The following BCOR variants were observed in gnomAD, a reference collection of about 807,000 sequenced individuals.
BCOR encodes the protein BCL6 corepressor, also known as BCL-6 corepressor.
A neutral mutation model predicts 86.7 loss-of-function variants in BCOR; 10 were observed. The observed-to-expected ratio is 0.12, with a 90% confidence interval of 0.07 to 0.20. The LOEUF (loss-of-function observed/expected upper bound fraction) is 0.20. BCOR is among the 10% of genes least tolerant of loss of function. The pLI is 1.00. For synonymous variants in BCOR, 611 were observed against 609.0 expected (o/e 1.00, Z -0.05); for missense variants, 1,259 against 1,452.1 (o/e 0.87, Z 2.16).
chrX:40,064,308 G>A (rs1419989030), intron 7 of BCOR, 28 bp downstream of exon 7: 2 of 1,210,446 alleles, frequency 1.7e-6, no homozygotes, highest in Non-Finnish European at 1.1e-6. Flanking sequence ...CCACCCCCCG[G>A]CAGGCGGGCG....
intron 1 of BCOR, among the ~76,000 whole-genome samples, chrX:40,089,998 C>T (rs1459221601): frequency 1.8e-5 from 2 of 111,995 alleles, no homozygotes; most frequent in Non-Finnish European, 3.8e-5. Context: ...ACAGAAGCGG[C>T]CGGCAGCAAA....
At chrX:40,145,562 C>A (rs1938029429) in intron 1 of BCOR, among the ~76,000 whole-genome samples, 1 of 111,739 alleles carries the variant, frequency 8.9e-6, no homozygotes, top group Admixed American at 9.4e-5. Flanking sequence ...GAGGCTACCC[C>A]CTCCCCGCCC....
chrX:40,099,896 G>T (rs1033955837), upstream of BCOR, among the ~76,000 whole-genome samples: 1 of 112,060 alleles, frequency 8.9e-6, no homozygotes, highest in African/African-American at 3.2e-5. Flanking sequence ...GCCCAGCCAG[G>T]CTGGGCCGCG....
chrX:40,062,680 C>A (rs969985732), intron 9 of BCOR, 66 bp downstream of exon 9: 18 of 1,050,905 alleles, frequency 1.7e-5, no homozygotes, highest in Non-Finnish European at 2.2e-5. Context: ...TCCCCTCAAG[C>A]TGGGAAGCAG....
intron 1 of BCOR, among the ~76,000 whole-genome samples, chrX:40,141,816 C>G (rs976935819): frequency 9.0e-6 from 1 of 111,617 alleles, no homozygotes; most frequent in Non-Finnish European, 1.9e-5. Context: ...CGCACTCCCA[C>G]CACTGGGAGG....
In BCOR at chrX:40,139,475, A is replaced by G. The variant is rs368605735; in HGVS notation, c.-41+37532T>C. Among the ~76,000 whole-genome samples the G allele has an allele frequency of 3.4e-3, 37 of 10,893 alleles. 3 individuals are homozygous for G. The highest frequency in any genetic ancestry group is 0.012 in the South Asian group (3 of 242). The allele number at this position is 10,893 out of a possible 115,157, so 9.5% of individuals were successfully genotyped here. The stretch of plus-strand genomic sequence containing the variant: ...TATATACATATATATATATATATAT[A>G]TATATATATATATATATATATATTT... On this transcript the variant is annotated intron_variant, in intron 1 of 14. Coordinates refer to the BCOR transcript ENST00000342274.
rs142207652 is a variant in BCOR at position 40,076,508 on chromosome X, G to A, written c.111C>T (p.Asp37=). 13 of 1,203,028 alleles carry A rather than the reference G, an allele frequency of 1.1e-5. No individual in the cohort carries two copies. The highest frequency in any genetic ancestry group is 5.3e-5 in the African/African-American group (3 of 57,067). Residue 37 remains aspartate (D), a synonymous_variant, in exon 3 of 15, where the codon GAC becomes GAT. Coordinates refer to ENST00000378444, the MANE Select transcript of BCOR (RefSeq NM_001123385.2). The stretch of plus-strand genomic sequence containing the variant: ...TCAGTTCCAGTCTGGCTTTTGAAGC[G>A]TCACCATCATTTACAAGGATTTTCC... ...EDRKILVNDG[D]ASKARLELRE...
intron 1 of BCOR, among the ~76,000 whole-genome samples, chrX:40,158,618 T>C (rs763234830): frequency 2.7e-5 from 3 of 112,548 alleles, no homozygotes; most frequent in Non-Finnish European, 3.8e-5. Context: ...CAACGTGTTA[T>C]CGCTTCTCCC....
intron 1 of BCOR, among the ~76,000 whole-genome samples, chrX:40,089,351 A>T (rs1936496422): frequency 8.9e-6 from 1 of 111,815 alleles, no homozygotes; most frequent in Non-Finnish European, 1.9e-5. Context: ...TCAGTCCTGG[A>T]GTTGCGGAGA....
intron 1 of BCOR, among the ~76,000 whole-genome samples, chrX:40,080,820 GTGTGTGTGTGT>G (rs1275279126): frequency 3.1e-4 from 1 of 3,232 alleles, no homozygotes; most frequent in Non-Finnish European, 4.7e-4. Flanking sequence ...ACTGTCGTGT[GTGTGTGTGTGT>G]GTGTGTGTGT....
At position 40,172,853 on chromosome X, in the gene BCOR, G is replaced by C. The variant is rs1379668367; in HGVS notation, c.-41+4154C>G. ...TTTAGCTCCGGCACCCGGGAGCACT[G>C]ACACTGGGCGATAAGGAGTTCCTCG... is the stretch of plus-strand genomic sequence containing the variant. On this transcript the variant is annotated intron_variant, in intron 1 of 14. Coordinates refer to the BCOR transcript ENST00000342274. Among the ~76,000 whole-genome samples, 27 of 112,819 alleles carry C rather than the reference G, an allele frequency of 2.4e-4. No individual in the cohort carries two copies. The Admixed American group carries it at 2.5e-3, about 10-fold the overall frequency.
rs780952868 is a variant in BCOR, at chrX:40,074,125, G to A, written c.1221C>T (p.Pro407=). Reference sequence around the variant, plus strand: ...GAACCGCTGTCTTCCGGGCATGCCCGGGCACTGGCTGGGCACCTTCGCCCC... The same window carrying A: ...GAACCGCTGTCTTCCGGGCATGCCCAGGCACTGGCTGGGCACCTTCGCCCC... The part of the protein sequence containing the change: ...PEGGEGAQPV[P]GHARKTAVQD... Residue 407 remains proline (P), a synonymous_variant, in exon 4 of 15, where the codon CCC becomes CCT. Transcript: ENST00000378444. 75 of 1,211,050 alleles carry A rather than the reference G, an allele frequency of 6.2e-5. No individual in the cohort carries two copies. In the East Asian group the frequency reaches 1.7e-3, roughly 28 times the overall value.
intron 1 of BCOR, among the ~76,000 whole-genome samples, chrX:40,134,343 G>C (rs1195512227): frequency 8.9e-6 from 1 of 111,971 alleles, no homozygotes; most frequent in Non-Finnish European, 1.9e-5. Flanking sequence ...CAAGGACATG[G>C]TCAGGCGTGG....
Position 40,073,726 on chromosome X carries a change from C to G in BCOR, c.1620G>C (p.Arg540=), listed in dbSNP as rs144347073. ...KALDWAIPQQ[R]SSSCPRMGGT... is the part of the protein sequence containing the mutation. ...CGCCCATGCGCGGGCATGATGAACT[C>G]CGCTGCTGTGGTATCGCCCAGTCCA... The change falls in exon 4 of 15, where the codon CGG becomes CGC. Residue 540 remains arginine, a synonymous_variant. Coordinates refer to ENST00000378444, the MANE Select transcript of BCOR (RefSeq NM_001123385.2). 3 of 1,211,826 alleles carry G rather than the reference C, an allele frequency of 2.5e-6. No individual in the cohort carries two copies. Among genetic ancestry groups the G allele is most frequent in the Admixed American group, 2.2e-5 (1 of 46,094 alleles).
chrX:40,064,241 G>C, intron 7 of BCOR, 95 bp downstream of exon 7: 3 of 1,146,024 alleles, frequency 2.6e-6, no homozygotes, highest in Non-Finnish European at 3.6e-6. Context: ...TGTCTACGGG[G>C]GCAGCGCGCC....
chrX:40,125,387 C>T (rs1937527066), intron 1 of BCOR, among the ~76,000 whole-genome samples: 1 of 111,619 alleles, frequency 9.0e-6, no homozygotes, highest in South Asian at 3.7e-4. Flanking sequence ...GTGCACACCA[C>T]CACGCCTGGC....
Position 40,052,304 on chromosome X carries a change from G to A in BCOR, c.5073C>T (p.Thr1691=). 1 of 1,212,008 alleles carries A rather than the reference G, an allele frequency of 8.3e-7. No individual in the cohort carries two copies. Among genetic ancestry groups the A allele is most frequent in the Non-Finnish European group, 1.1e-6 (1 of 895,443 alleles). Residue 1691 remains threonine (T), a synonymous_variant, in exon 15 of 15, where the codon ACC becomes ACT. Transcript: ENST00000378444. ...RCNFPNVEIV[T]IAEAEFYRQV... is the part of the protein sequence containing the mutation. Reference sequence around the variant, plus strand: ...GCCGATAAAATTCTGCCTCTGCAATGGTGACAATTTCCACGTTTGGAAAAT... The same window carrying A: ...GCCGATAAAATTCTGCCTCTGCAATAGTGACAATTTCCACGTTTGGAAAAT...
intron 12 of BCOR, 35 bp from the exon 13 acceptor site, chrX:40,054,368 A>C (rs371551080): frequency 9.2e-6 from 10 of 1,089,562 alleles, no homozygotes; most frequent in African/African-American, 1.8e-5. Flanking sequence ...ACAAGATAAA[A>C]TCTACTGCTG....
chrX:40,136,156 A>G (rs1199793637), intron 1 of BCOR, among the ~76,000 whole-genome samples: 1 of 111,959 alleles, frequency 8.9e-6, no homozygotes, highest in Non-Finnish European at 1.9e-5. Context: ...CACTTTTGCC[A>G]TTGTCATGAG....
Sources: allele counts gnomAD v4.1 joint callset (sites outside exome capture counted in the v4.1 genomes callset), GRCh38; gene constraint gnomAD v4.1.1; transcripts MANE v1.5; gene names NCBI Gene and HGNC (gene_info 2026-07-23, HGNC 2026-07-21).